The following SHANK1 variants were observed in gnomAD, a reference collection of about 807,000 sequenced individuals.
SHANK1 encodes SH3 and multiple ankyrin repeat domains 1, also known as SH3 and multiple ankyrin repeat domains protein 1.
A neutral mutation model predicts 165.6 loss-of-function variants in SHANK1; 35 were observed. That is an observed-to-expected ratio of 0.21 (90% CI 0.16 to 0.28). The LOEUF is 0.28. Ranked by LOEUF, SHANK1 falls within the 10% of genes least tolerant of loss-of-function variation. The pLI is 1.00. For synonymous variants in SHANK1, 1,428 were observed against 1,384.8 expected (o/e 1.03, Z -0.69); for missense variants, 2,681 against 3,036.4 (o/e 0.88, Z 2.75).
At chr19:50,663,669 A>C (rs1162197475) in intron 23 of SHANK1, among the ~76,000 whole-genome samples, 2 of 151,904 alleles carry the variant, frequency 1.3e-5, no homozygotes, top group Admixed American at 6.6e-5. Context: ...CTCTGCACAC[A>C]TAGGTCATGA....
rs112051237 is a variant in SHANK1, at chr19:50,702,758, A to C, written c.1554-98T>G. On this transcript the variant is annotated intron_variant, in intron 11 of 23. Transcript: ENST00000293441. The surrounding 1 kb of genome is among the most constrained non-coding windows in gnomAD (Gnocchi z 5.3). ...GGGTGGGGGAAGAGGACGGTGCATC[A>C]GGGGGGAGGGGGGGTTTCCCAGCAC... is the stretch of plus-strand genomic sequence containing the variant. 1.5e-5 allele frequency: 7 copies of C among 482,660 alleles called. No individual in the cohort carries two copies. The highest frequency in any genetic ancestry group is 7.1e-5 in the Admixed American group (2 of 28,338). 29.9% of individuals were successfully genotyped at this position (482,660 alleles called of 1,614,324 possible). A position where few individuals can be genotyped will look rare whatever the true frequency, so the allele number is the denominator to read the frequency against.
chr19:50,667,756 C>G lies in SHANK1; in HGVS notation c.4204G>C (p.Glu1402Gln). 2.0e-6 allele frequency: 2 copies of G among 986,706 alleles called. No individual in the cohort carries two copies. The highest frequency in any genetic ancestry group is 2.4e-6 in the Non-Finnish European group (2 of 821,358). 61.1% of individuals were successfully genotyped at this position (986,706 alleles called of 1,614,324 possible). A position where few individuals can be genotyped will look rare whatever the true frequency, so the allele number is the denominator to read the frequency against. Residue 1402 changes from glutamate to glutamine, a missense_variant, in exon 23 of 24, where the codon GAG becomes CAG. This residue lies in a region of SHANK1 where 1,713 missense variants were observed against 1,630.2 expected (regional missense o/e 1.05). Coordinates refer to ENST00000293441, the MANE Select transcript of SHANK1 (RefSeq NM_016148.5). The surrounding 1 kb of genome is among the most constrained non-coding windows in gnomAD (Gnocchi z 5.7). ...GCCCCCCAGAGACGCAGCACTGGCT[C>G]GTGGTGGGCGTGGGGCGAGTGGTGG... ...PHHHSPHAHH[E>Q]PVLRLWGASP...
intron 21 of SHANK1, among the ~76,000 whole-genome samples, chr19:50,677,611 C>G (rs990688278): frequency 2.0e-5 from 3 of 152,138 alleles, no homozygotes; most frequent in African/African-American, 7.2e-5. Flanking sequence ...AGCCCAGCAG[C>G]AGGTCCAGGA....
intron 21 of SHANK1, among the ~76,000 whole-genome samples, chr19:50,685,252 G>A (rs1308185402): frequency 2.0e-5 from 3 of 152,194 alleles, no homozygotes; most frequent in Non-Finnish European, 4.4e-5. Context: ...CATCCAGGAA[G>A]GGAGCAGCAG....
At position 50,690,496 on chromosome 19, in the gene SHANK1, G is replaced by A. The variant is rs902936396; in HGVS notation, c.1965-1217C>T. ...GAACACCCAGGAGTCACTGGAACGC[G>A]TGCTCTGCTGTGCTGAGCTTCCTTC... On this transcript the variant is annotated intron_variant, in intron 15 of 23. Transcript: ENST00000293441. This position sits in a 1 kb window ranked among gnomAD's most constrained non-coding sequence, Gnocchi z 4.9. 5.3e-5 allele frequency among the ~76,000 whole-genome samples: 8 copies of A among 152,176 alleles called. No homozygotes were observed. Among genetic ancestry groups the A allele is most frequent in the East Asian group, 1.9e-4 (1 of 5,174 alleles).
chr19:50,672,281 C>T (rs1039844564), intron 21 of SHANK1, among the ~76,000 whole-genome samples, 167 bp from the exon 22 acceptor site: 1 of 152,168 alleles, frequency 6.6e-6, no homozygotes, highest in African/African-American at 2.4e-5. Context: ...CAACGTGGCT[C>T]ACGCCTGTAA....
intron 12 of SHANK1, among the ~76,000 whole-genome samples, chr19:50,698,352 C>G (rs1448578332): frequency 1.3e-5 from 2 of 152,184 alleles, no homozygotes; most frequent in African/African-American, 4.8e-5. Flanking sequence ...CCATCACTGT[C>G]CCTGCCACCT....
rs1284023291 is a variant in SHANK1, at chr19:50,666,488, C to A, written c.5472G>T (p.Pro1824=). ...GAGAGGAGGCCGTCGGCAAGGGCACCGGTGGGACTTCTGGCTCTACAGCCA... is the reference window on the plus strand; with the variant it reads ...GAGAGGAGGCCGTCGGCAAGGGCACAGGTGGGACTTCTGGCTCTACAGCCA... ...GPVAVEPEVP[P]VPLPTASSLP... Residue 1824 remains proline (P), a synonymous_variant, in exon 23 of 24, where the codon CCG becomes CCT. Transcript: ENST00000293441. 6.3e-7 allele frequency: 1 copy of A among 1,596,806 alleles called. No individual in the cohort carries two copies. Among genetic ancestry groups the A allele is most frequent in the Non-Finnish European group, 8.5e-7 (1 of 1,174,148 alleles).
intron 12 of SHANK1, among the ~76,000 whole-genome samples, chr19:50,698,413 G>C (rs1217353650): frequency 2.0e-5 from 3 of 152,098 alleles, no homozygotes; most frequent in African/African-American, 7.2e-5. Context: ...CCAGACCCCT[G>C]TCTCTGTCTC....
intron 6 of SHANK1, 31 bp from the exon 7 acceptor site, chr19:50,712,145 A>G (rs1235245289): frequency 6.5e-7 from 1 of 1,549,024 alleles, no homozygotes; most frequent in East Asian, 2.3e-5. Context: ...CAGTAGAAAA[A>G]CACAGATGAC....
In SHANK1 at chr19:50,703,638, G is replaced by C; in HGVS notation, c.1415C>G (p.Ser472Trp). ...PGPTSGSQGQSQPSAPTTKLS... is the reference protein window; with the variant it reads ...PGPTSGSQGQWQPSAPTTKLS... Reference sequence around the variant, plus strand: ...CTTGGTGGTGGGGGCCGAGGGCTGCGACTGGCCCTGGGACCCTGAGGTAGG... The same window carrying C: ...CTTGGTGGTGGGGGCCGAGGGCTGCCACTGGCCCTGGGACCCTGAGGTAGG... Residue 472 changes from serine (S) to tryptophan (W), a missense_variant, in exon 11 of 24, where the codon TCG becomes TGG. By Grantham distance (177) the Ser-to-Trp change is radical. This residue lies in a region of SHANK1 where 195 missense variants were observed against 186.2 expected (regional missense o/e 1.05). Coordinates refer to ENST00000293441, the MANE Select transcript of SHANK1 (RefSeq NM_016148.5). The C allele has an allele frequency of 6.5e-7, 1 of 1,540,960 alleles. No homozygotes were observed. Among genetic ancestry groups the C allele is most frequent in the Non-Finnish European group, 8.7e-7 (1 of 1,144,876 alleles).
intron 21 of SHANK1, among the ~76,000 whole-genome samples, chr19:50,677,596 T>C (rs1181815026): frequency 6.6e-6 from 1 of 152,186 alleles, no homozygotes; most frequent in African/African-American, 2.4e-5. Flanking sequence ...CTCTTATACC[T>C]TGAGAGCCCA....
chr19:50,676,913 AG>A (rs1306067851), intron 21 of SHANK1, among the ~76,000 whole-genome samples: 1 of 152,130 alleles, frequency 6.6e-6, no homozygotes, highest in African/African-American at 2.4e-5. Context: ...AGAGGCAGCA[AG>A]GTGCCCTCTT....
intron 12 of SHANK1, among the ~76,000 whole-genome samples, chr19:50,700,363 A>T (rs1256487637): frequency 7.4e-5 from 9 of 121,348 alleles, no homozygotes; most frequent in East Asian, 2.8e-4. Context: ...CTCGGGGCAT[A>T]GGAGGATTGG....
In SHANK1 at chr19:50,669,231, C is replaced by T. The variant is rs200565978; in HGVS notation, c.2729G>A (p.Arg910His). The change falls in exon 23 of 24, where the codon CGC (arginine) becomes CAC (histidine). Residue 910 changes from arginine (R) to histidine (H), a missense_variant. By Grantham distance (29) the Arg-to-His change is conservative. Coordinates refer to ENST00000293441, the MANE Select transcript of SHANK1 (RefSeq NM_016148.5). The part of the protein sequence containing the change: ...YLAPPAMKFS[R>H]SLSVPGSEDI... Reference sequence around the variant, plus strand: ...CTCCGAACCAGGCACAGACAGGCTGCGGCTGAATTTCATGGCTGGGGGTGC... The same window carrying T: ...CTCCGAACCAGGCACAGACAGGCTGTGGCTGAATTTCATGGCTGGGGGTGC... 1.7e-5 allele frequency: 27 copies of T among 1,611,694 alleles called. No individual in the cohort carries two copies. Among genetic ancestry groups the T allele is most frequent in the Non-Finnish European group, 2.2e-5 (26 of 1,179,066 alleles).
chr19:50,701,348 AT>A (rs35759880), intron 12 of SHANK1, among the ~76,000 whole-genome samples: 32,019 of 140,482 alleles, frequency 0.23, 3,243 homozygotes, highest in South Asian at 0.34. Context: ...CACCTGGCTA[AT>A]TTTTTTTTTT....
At chr19:50,693,640 GC>G (rs1180982771) in intron 15 of SHANK1, among the ~76,000 whole-genome samples, 3 of 139,262 alleles carry the variant, frequency 2.2e-5, no homozygotes, top group African/African-American at 8.2e-5. Flanking sequence ...CTGTGCACGG[GC>G]GCACCCCCAA....
At chr19:50,685,295 A>G (rs1215631694) in intron 21 of SHANK1, among the ~76,000 whole-genome samples, 1 of 152,194 alleles carries the variant, frequency 6.6e-6, no homozygotes, top group African/African-American at 2.4e-5. Flanking sequence ...CTGTGGCAGG[A>G]CCATGGGTTC....
intron 21 of SHANK1, among the ~76,000 whole-genome samples, chr19:50,673,257 C>T (rs1170626740): frequency 6.6e-6 from 1 of 152,086 alleles, no homozygotes; most frequent in Non-Finnish European, 1.5e-5. Context: ...CCGTAGCAAA[C>T]CCTTGGTACA....
Sources: allele counts gnomAD v4.1 joint callset (sites outside exome capture counted in the v4.1 genomes callset), GRCh38; gene constraint gnomAD v4.1.1; regional missense constraint gnomAD v4.1.1; non-coding constraint Gnocchi (gnomAD v3.1); transcripts MANE v1.5; gene names NCBI Gene and HGNC (gene_info 2026-07-23, HGNC 2026-07-21).